Variants in PDSS2 observed in about 807,000 individuals in gnomAD.
The protein encoded by PDSS2 is all trans-polyprenyl-diphosphate synthase PDSS2.
PDSS2 carries 31 observed loss-of-function variants against 44.5 expected under a neutral mutation model. The observed-to-expected ratio is 0.70, with a 90% CI of 0.52 to 0.94. PDSS2 has a LOEUF of 0.94. Among genes scored for constraint, PDSS2 ranks in the 40% least tolerant of loss-of-function variants. PDSS2 has a pLI of 0.00. For missense variants in PDSS2, 452 were observed against 482.2 expected (o/e 0.94, Z 0.59); for synonymous variants, 157 against 180.3 (o/e 0.87, Z 1.03).
At chr6:107,387,147 T>C (rs546243288) in intron 1 of PDSS2, among the ~76,000 whole-genome samples, 5 of 152,200 alleles carry the variant, frequency 3.3e-5, no homozygotes, top group Non-Finnish European at 7.3e-5. Context: ...AGGGTCTGAC[T>C]ACTTAGACCT....
At chr6:107,217,835 G>C (rs1773463694) in intron 4 of PDSS2, among the ~76,000 whole-genome samples, 1 of 152,190 alleles carries the variant, frequency 6.6e-6, no homozygotes, top group African/African-American at 2.4e-5. Context: ...GAAGTCACAG[G>C]AGGAAAAAGG....
chr6:107,334,167 G>C (rs950363940), intron 2 of PDSS2, 31 bp downstream of exon 2: 3 of 1,597,760 alleles, frequency 1.9e-6, no homozygotes, highest in East Asian at 4.5e-5. Flanking sequence ...ACGATGTAGA[G>C]AGCAATGTCA....
chr6:107,244,837 T>A (rs1774554911), intron 4 of PDSS2, among the ~76,000 whole-genome samples: 1 of 152,172 alleles, frequency 6.6e-6, no homozygotes, highest in African/African-American at 2.4e-5. Flanking sequence ...GTTAGAATAA[T>A]GAAACACTAA....
At chr6:107,167,141 C>T (rs1236572236) in intron 7 of PDSS2, among the ~76,000 whole-genome samples, 13 of 151,998 alleles carry the variant, frequency 8.6e-5, no homozygotes, top group Non-Finnish European at 1.3e-4. Context: ...TATTAATTAT[C>T]GCCTCAATTT....
In PDSS2 at chr6:107,245,597, G is replaced by A; in HGVS notation, c.653C>T (p.Ala218Val). 6.3e-7 allele frequency: 1 copy of A among 1,591,394 alleles called. No individual in the cohort carries two copies. Among genetic ancestry groups the A allele is most frequent in the Non-Finnish European group, 8.6e-7 (1 of 1,164,914 alleles). ...TACTCCTTGTACCAAGTCCATAAGA[G>A]CACTTGCTAAAAGTTCCACAACCTA... is the stretch of plus-strand genomic sequence containing the variant. ...NTKVVELLAS[A>V]LMDLVQGVYH... Residue 218 changes from alanine to valine, a missense_variant, in exon 4 of 8, where the codon GCT becomes GTT. Transcript: ENST00000369037.
At position 107,383,298 on chromosome 6, in the gene PDSS2, C is replaced by CAAAAAAAAA. The variant is rs35910650; in HGVS notation, c.297-48975_297-48967dup. ...TGGGTGACAGAGTGAGACTCCATCT[C>CAAAAAAAAA]AAAAAAAAAAAAAAAAAAAAAAAAA... is the stretch of plus-strand genomic sequence containing the variant. On this transcript the variant is annotated intron_variant, in intron 1 of 7. Coordinates refer to ENST00000369037, the MANE Select transcript of PDSS2 (RefSeq NM_020381.4). Among the ~76,000 whole-genome samples, 6 of 28,438 alleles carry CAAAAAAAAA rather than the reference C, an allele frequency of 2.1e-4. No individual in the cohort carries two copies. In the East Asian group the frequency reaches 4.2e-3, roughly 20 times the overall value. 18.7% of individuals were successfully genotyped at this position (28,438 alleles called of 152,430 possible). A position where few individuals can be genotyped will look rare whatever the true frequency, so the allele number is the denominator to read the frequency against.
intron 1 of PDSS2, among the ~76,000 whole-genome samples, chr6:107,405,438 AAGAG>A (rs1165383972): frequency 6.6e-6 from 1 of 152,216 alleles, no homozygotes; most frequent in African/African-American, 2.4e-5. Flanking sequence ...ACAGAAAAAA[AAGAG>A]AGAGAAACAA....
Position 107,334,271 on chromosome 6 carries a change from A to C in PDSS2, c.358T>G (p.Ser120Ala), listed in dbSNP as rs779525869. The change falls in exon 2 of 8, where the codon TCT (serine) becomes GCT (alanine). Residue 120 changes from serine to alanine, a missense_variant. By Grantham distance (99) the Ser-to-Ala change is moderately conservative. Transcript: ENST00000369037. ...QLRGLVVLLI[S>A]KAAGPSSVNT... The stretch of plus-strand genomic sequence containing the variant: ...ACGCTGCTGGGCCCAGCTGCTTTAG[A>C]GATAAGGAGCACCACCAAGCCCCTC... The C allele has an allele frequency of 6.2e-7, 1 of 1,613,248 alleles. No homozygotes were observed. The highest frequency in any genetic ancestry group is 1.3e-5 in the African/African-American group (1 of 74,868).
chr6:107,286,136 TA>T (rs1554262539), intron 2 of PDSS2, among the ~76,000 whole-genome samples: 1 of 128,736 alleles, frequency 7.8e-6, no homozygotes, highest in African/African-American at 3.1e-5. Context: ...CGTCGCAAAA[TA>T]AAAAAAAAAA....
intron 1 of PDSS2, among the ~76,000 whole-genome samples, chr6:107,378,648 T>C (rs1779364724): frequency 6.6e-6 from 1 of 152,122 alleles, no homozygotes; most frequent in Non-Finnish European, 1.5e-5. Flanking sequence ...TAGCCAGGCA[T>C]GGTGGCAGGC....
At chr6:107,256,074 T>C (rs1456861820) in intron 3 of PDSS2, among the ~76,000 whole-genome samples, 2 of 152,104 alleles carry the variant, frequency 1.3e-5, no homozygotes, top group African/African-American at 4.8e-5. Context: ...CACTGTAACC[T>C]CCCCGTCCCA....
chr6:107,411,934 G>A (rs1356831139), intron 1 of PDSS2, among the ~76,000 whole-genome samples: 1 of 136,724 alleles, frequency 7.3e-6, no homozygotes, highest in Non-Finnish European at 1.5e-5. Flanking sequence ...TGCCCAAGCT[G>A]CAGTGCAATG....
At chr6:107,456,034 A>C (rs1421293940) in intron 1 of PDSS2, among the ~76,000 whole-genome samples, 1 of 152,164 alleles carries the variant, frequency 6.6e-6, no homozygotes, top group Non-Finnish European at 1.5e-5. Context: ...TTACAAGATG[A>C]CTGTGAGGCC....
At chr6:107,184,026 A>G (rs1772079533) in intron 7 of PDSS2, among the ~76,000 whole-genome samples, 1 of 152,156 alleles carries the variant, frequency 6.6e-6, no homozygotes, top group Non-Finnish European at 1.5e-5. Flanking sequence ...AAACAAAGCA[A>G]AGAAAAAATA....
At chr6:107,455,097 A>G (rs1226379633) in intron 1 of PDSS2, among the ~76,000 whole-genome samples, 12 of 151,978 alleles carry the variant, frequency 7.9e-5, no homozygotes, top group African/African-American at 2.4e-4. Context: ...ATGCTAGGAC[A>G]ACTTTGCAAA....
chr6:107,326,513 C>T (rs550773684), intron 2 of PDSS2, among the ~76,000 whole-genome samples: 65 of 152,140 alleles, frequency 4.3e-4, no homozygotes, highest in African/African-American at 1.5e-3. Context: ...TCTTCTTATT[C>T]GCCAACTCAC....
Position 107,200,428 on chromosome 6 carries a change from G to A in PDSS2, c.1009-6574C>T, listed in dbSNP as rs201534340. On this transcript the variant is annotated intron_variant, in intron 6 of 7. Coordinates refer to ENST00000369037, the MANE Select transcript of PDSS2 (RefSeq NM_020381.4). Reference sequence around the variant, plus strand: ...TATTGGAATCACCTGGGTAGCTTGCGAAAAATGCAGATTCTCCATAGCCTA... The same window carrying A: ...TATTGGAATCACCTGGGTAGCTTGCAAAAAATGCAGATTCTCCATAGCCTA... Among the ~76,000 whole-genome samples, 20 of 152,254 alleles carry A rather than the reference G, an allele frequency of 1.3e-4. No individual in the cohort carries two copies. In the East Asian group the frequency reaches 2.5e-3, roughly 19 times the overall value.
intron 6 of PDSS2, among the ~76,000 whole-genome samples, chr6:107,205,701 G>A (rs1034327705): frequency 9.2e-5 from 14 of 151,970 alleles, no homozygotes; most frequent in African/African-American, 3.4e-4. Context: ...TTGTGTGCGT[G>A]TGTGTCAACA....
chr6:107,216,754 G>A (rs1267266621), intron 4 of PDSS2, among the ~76,000 whole-genome samples: 2 of 152,136 alleles, frequency 1.3e-5, no homozygotes, highest in African/African-American at 4.8e-5. Context: ...GGAAAATCTT[G>A]AAAAAGAAGA....
Sources: gnomAD v4.1 joint callset for allele counts (sites outside exome capture counted in the v4.1 genomes callset) on GRCh38, gnomAD v4.1.1 for gene constraint, MANE v1.5 for transcripts, NCBI Gene and HGNC (gene_info 2026-07-23, HGNC 2026-07-21) for gene names.